The following GALNT9 variants were observed in gnomAD, a reference collection of about 807,000 sequenced individuals.
GALNT9 encodes the protein GalNAc transferase 9.
A neutral mutation model predicts 63.1 loss-of-function variants in GALNT9; 47 were observed. The ratio of observed to expected loss-of-function variants is 0.75; its 90% confidence interval spans 0.59 to 0.95. The LOEUF is 0.95. Ranked by LOEUF, GALNT9 falls within the 40% of genes least tolerant of loss-of-function variation. The pLI is 0.00. For missense variants in GALNT9, 829 were observed against 874.8 expected (o/e 0.95, Z 0.66); for synonymous variants, 396 against 365.7 (o/e 1.08, Z -0.94).
intron 5 of GALNT9, among the ~76,000 whole-genome samples, chr12:132,256,653 ACTGGAGGGGGGACG>A (rs1456736227): frequency 1.0e-4 from 4 of 39,348 alleles, no homozygotes; most frequent in South Asian, 1.2e-3. Flanking sequence ...GGAGGGGGAC[ACTGGAGGGGGGACG>A]CTGGAGGGGG....
rs1335727104 is a variant in GALNT9, at chr12:132,286,369, C to T, written c.300G>A (p.Ala100=). The T allele has an allele frequency of 1.8e-4, 275 of 1,550,748 alleles. 1 individual carries two copies. The highest frequency in any genetic ancestry group is 2.1e-4 in the Non-Finnish European group (242 of 1,146,862). ...GPGGLGQGGL[A]ATLRDDGQEA... ...CCTGGCCGTCATCACGCAGGGTGGC[C>T]GCCAAGCCACCCTGGCCCAGGCCTC... Residue 100 remains alanine (A), a synonymous_variant, in exon 2 of 11, where the codon GCG becomes GCA. Transcript: ENST00000328957. The surrounding 1 kb of genome is among the most constrained non-coding windows in gnomAD (Gnocchi z 7.4).
At chr12:132,314,882 C>T (rs1051013052) in intron 1 of GALNT9, among the ~76,000 whole-genome samples, 1 of 152,210 alleles carries the variant, frequency 6.6e-6, no homozygotes, top group Non-Finnish European at 1.5e-5. Context: ...GCTGGAAGGT[C>T]GGGTGGACCT....
At chr12:132,309,140 C>T (rs1377177243) in intron 1 of GALNT9, among the ~76,000 whole-genome samples, 1 of 152,266 alleles carries the variant, frequency 6.6e-6, no homozygotes. Context: ...GCGACACTCT[C>T]AGAATCCTGA....
chr12:132,247,533 G>A (rs782647841), intron 6 of GALNT9: 34 of 468,902 alleles, frequency 7.3e-5, no homozygotes, highest in African/African-American at 3.1e-4. Context: ...GGCTCAGTGC[G>A]CTGAGCAGGA....
At chr12:132,201,757 C>T (rs115838322) in intron 7 of GALNT9, among the ~76,000 whole-genome samples, 1,842 of 152,306 alleles carry the variant, frequency 0.012, 42 homozygotes, top group African/African-American at 0.042. Context: ...TGGGACCCCC[C>T]GCGGGGGGAC....
chr12:132,312,200 A>C (rs1353907425), intron 1 of GALNT9, among the ~76,000 whole-genome samples: 5 of 152,250 alleles, frequency 3.3e-5, no homozygotes, highest in Non-Finnish European at 7.3e-5. Flanking sequence ...ATATATTCTC[A>C]CTGAGACTAA....
rs1878677151 is a variant in GALNT9, at chr12:132,245,571, CCGTGGTCCGG to C, written c.1077+2329_1077+2338del. On this transcript the variant is annotated intron_variant, in intron 6 of 10. Transcript: ENST00000328957. The surrounding 1 kb of genome is among the most constrained non-coding windows in gnomAD (Gnocchi z 6.3). Reference sequence around the variant, plus strand: ...CTGACCCTCGCCCAGCCAGGGCCCTCCGTGGTCCGGCACCCACACCCCCAGCCCAGCCTGC... The same window carrying C: ...CTGACCCTCGCCCAGCCAGGGCCCTCCACCCACACCCCCAGCCCAGCCTGC... Among the ~76,000 whole-genome samples, 1 of 151,272 alleles carries C rather than the reference CCGTGGTCCGG, an allele frequency of 6.6e-6. No homozygotes were observed. The highest frequency in any genetic ancestry group is 2.5e-5 in the African/African-American group (1 of 40,644).
chr12:132,263,618 G>C (rs1236026045), intron 2 of GALNT9, among the ~76,000 whole-genome samples: 1 of 152,196 alleles, frequency 6.6e-6, no homozygotes, highest in Non-Finnish European at 1.5e-5. Context: ...CTGCAGGTCT[G>C]TCTCCCCCCG....
intron 6 of GALNT9, among the ~76,000 whole-genome samples, chr12:132,222,042 C>A (rs377289905): frequency 6.6e-6 from 1 of 152,016 alleles, no homozygotes; most frequent in Non-Finnish European, 1.5e-5. Flanking sequence ...ATTGGGTAAG[C>A]CTGTGACGAG....
intron 1 of GALNT9, among the ~76,000 whole-genome samples, chr12:132,297,039 C>T (rs1555243326): frequency 6.6e-6 from 1 of 150,778 alleles, no homozygotes; most frequent in African/African-American, 2.4e-5. Context: ...GATACCCAAA[C>T]TCACTCCCAT....
At chr12:132,324,989 T>C (rs1868976558) in intron 1 of GALNT9, among the ~76,000 whole-genome samples, 1 of 152,172 alleles carries the variant, frequency 6.6e-6, no homozygotes, top group Non-Finnish European at 1.5e-5. Flanking sequence ...AGGGGCTGCG[T>C]CCCGGTGGGC....
chr12:132,308,609 C>T (rs1301066513), intron 1 of GALNT9, among the ~76,000 whole-genome samples: 1 of 152,196 alleles, frequency 6.6e-6, no homozygotes, highest in Non-Finnish European at 1.5e-5. Flanking sequence ...GACCCTCGAC[C>T]GCCAGGGCTT....
intron 6 of GALNT9, chr12:132,240,706 T>A (rs1555236920): frequency 4.4e-6 from 2 of 455,854 alleles, no homozygotes; most frequent in Non-Finnish European, 8.8e-6. Context: ...ATTTACCTTA[T>A]CTTGCTGGAA....
intron 6 of GALNT9, among the ~76,000 whole-genome samples, chr12:132,216,751 T>C (rs1877215452): frequency 6.6e-6 from 1 of 152,226 alleles, no homozygotes; most frequent in Non-Finnish European, 1.5e-5. Flanking sequence ...CCGTGGCTGC[T>C]TCTGTGGCCA....
chr12:132,227,900 A>G (rs1356142679), intron 6 of GALNT9, among the ~76,000 whole-genome samples: 14 of 152,032 alleles, frequency 9.2e-5, no homozygotes, highest in Non-Finnish European at 2.1e-4. Context: ...CCCCGTCCCC[A>G]CACCTTCTTG....
At chr12:132,267,752 C>A (rs1326923672) in intron 2 of GALNT9, among the ~76,000 whole-genome samples, 1 of 145,722 alleles carries the variant, frequency 6.9e-6, no homozygotes, top group African/African-American at 2.8e-5. Flanking sequence ...CAAGCACACA[C>A]ACTCACACAC....
In GALNT9 at chr12:132,247,746, G is replaced by T. The variant is rs782084521; in HGVS notation, c.1077+164C>A. 31 of 1,190,582 alleles carry T rather than the reference G, an allele frequency of 2.6e-5. 1 individual carries two copies. In the South Asian group the frequency reaches 4.4e-4, roughly 17 times the overall value. 73.8% of individuals were successfully genotyped at this position (1,190,582 alleles called of 1,614,324 possible). On this transcript the variant is annotated intron_variant, in intron 6 of 10. Transcript: ENST00000328957. The stretch of plus-strand genomic sequence containing the variant: ...CTCACTCGCCCTCACCCCGTCCCCA[G>T]ATGCCGTGGCCGCACTCGCCCTCAC...
intron 6 of GALNT9, among the ~76,000 whole-genome samples, chr12:132,243,620 C>A (rs895485833): frequency 6.6e-6 from 1 of 152,294 alleles, no homozygotes; most frequent in East Asian, 1.9e-4. Context: ...CCTCTGTCAT[C>A]CCCTCAAACT....
At position 132,252,679 on chromosome 12, in the gene GALNT9, G is replaced by A. The variant is rs989278637; in HGVS notation, c.960-4652C>T. On this transcript the variant is annotated intron_variant, in intron 5 of 10. Coordinates refer to ENST00000328957, the MANE Select transcript of GALNT9 (RefSeq NM_001122636.2). This position sits in a 1 kb window ranked among gnomAD's most constrained non-coding sequence, Gnocchi z 5.2. ...GGATCACCTGAGGTCGGGAGTTCGA[G>A]ACCAGCCTGACCAACATGGAGAAAC... 3.3e-5 allele frequency among the ~76,000 whole-genome samples: 5 copies of A among 152,078 alleles called. No individual in the cohort carries two copies. Among genetic ancestry groups the A allele is most frequent in the Non-Finnish European group, 5.9e-5 (4 of 68,014 alleles).
Sources: gnomAD v4.1 joint callset for allele counts (sites outside exome capture counted in the v4.1 genomes callset) on GRCh38, gnomAD v4.1.1 for gene constraint, Gnocchi (gnomAD v3.1) non-coding constraint, MANE v1.5 for transcripts, NCBI Gene and HGNC (gene_info 2026-07-23, HGNC 2026-07-21) for gene names.